DHRS3: variants seen among roughly 807,000 people sequenced by gnomAD.
DHRS3 encodes the protein short-chain dehydrogenase/reductase 3.
DHRS3 carries 14 observed loss-of-function variants against 27.2 expected under a neutral mutation model. That is an observed-to-expected ratio of 0.52 (90% confidence interval 0.34 to 0.81). The LOEUF (loss-of-function observed/expected upper bound fraction) is 0.81. DHRS3 is among the 30% of genes least tolerant of loss of function. The probability of loss-of-function intolerance (pLI) is 0.01; values close to 1 mark genes in which losing one functional copy is unlikely to be tolerated. For synonymous variants in DHRS3, 165 were observed against 175.9 expected, an observed-to-expected ratio of 0.94 and a Z score of 0.49; for missense variants, 322 against 406.2, an observed-to-expected ratio of 0.79 and a Z score of 1.78.
At chr1:12,571,593 C>T (rs188088276) in intron 5 of DHRS3, among the ~76,000 whole-genome samples, 73 of 144,492 alleles carry the variant, frequency 5.1e-4, no homozygotes, top group African/African-American at 1.7e-3. Flanking sequence ...TGCGGTGGTG[C>T]GATCTCGGCT....
chr1:12,581,005 T>A (rs913654260), intron 1 of DHRS3, among the ~76,000 whole-genome samples: 1 of 151,808 alleles, frequency 6.6e-6, no homozygotes, highest in South Asian at 2.1e-4. Flanking sequence ...TTAAAAAAAA[T>A]TTTGTAGAGT....
intron 1 of DHRS3, among the ~76,000 whole-genome samples, chr1:12,587,899 C>T (rs1646711393): frequency 6.6e-6 from 1 of 152,206 alleles, no homozygotes; most frequent in African/African-American, 2.4e-5. Flanking sequence ...CATCCATTGG[C>T]AAGTGACTGT....
chr1:12,567,947 G>A lies in DHRS3; in HGVS notation c.*393C>T, dbSNP rs41279478. 6 of 167,314 alleles carry A rather than the reference G, an allele frequency of 3.6e-5. No individual in the cohort carries two copies. The highest frequency in any genetic ancestry group is 1.2e-4 in the African/African-American group (5 of 41,828). 10.4% of individuals were successfully genotyped at this position (167,314 alleles called of 1,614,324 possible). A position where few individuals can be genotyped will look rare whatever the true frequency, so the allele number is the denominator to read the frequency against. ...TCTCTCTTTATTTTTCATTCCTGCC[G>A]TTCAACCAGTTTGTGCAAGCTGAGG... On this transcript the variant is annotated 3_prime_UTR_variant, in exon 6 of 6. Coordinates refer to ENST00000616661, the MANE Select transcript of DHRS3 (RefSeq NM_004753.7).
At chr1:12,577,692 G>A (rs985286915) in intron 4 of DHRS3, among the ~76,000 whole-genome samples, 16 of 152,060 alleles carry the variant, frequency 1.1e-4, no homozygotes, top group Non-Finnish European at 1.8e-4. Flanking sequence ...GGGTGCAAGC[G>A]CACGCCTGTA....
At chr1:12,585,856 G>C (rs989881161) in intron 1 of DHRS3, among the ~76,000 whole-genome samples, 2 of 152,364 alleles carry the variant, frequency 1.3e-5, no homozygotes, top group African/African-American at 2.4e-5. Context: ...GGCCTGCAGA[G>C]GGGACTGATT....
In DHRS3 at chr1:12,616,781, G is replaced by A. The variant is rs1185643136; in HGVS notation, c.195+373C>T. On this transcript the variant is annotated intron_variant, in intron 1 of 5. Transcript: ENST00000616661. The stretch of plus-strand genomic sequence containing the variant: ...GGCTCCCAGCTCTACCCAGGAGTGC[G>A]CACACCCTGCACTCACCAGGGTGGC... The A allele has an allele frequency of 1.4e-5, 15 of 1,076,078 alleles. No homozygotes were observed. The South Asian group carries it at 2.8e-4, about 20-fold the overall frequency. The allele number at this position is 1,076,078 out of a possible 1,614,324, so 66.7% of individuals were successfully genotyped here.
rs529314088 is a variant in DHRS3 at position 12,608,549 on chromosome 1, C to T, written c.195+8605G>A. Among the ~76,000 whole-genome samples, 2 of 152,168 alleles carry T rather than the reference C, an allele frequency of 1.3e-5. No individual in the cohort carries two copies. Among genetic ancestry groups the T allele is most frequent in the Admixed American group, 1.3e-4 (2 of 15,288 alleles). On this transcript the variant is annotated intron_variant, in intron 1 of 5. Coordinates refer to ENST00000616661, the MANE Select transcript of DHRS3 (RefSeq NM_004753.7). This position sits in a 1 kb window ranked among gnomAD's most constrained non-coding sequence, Gnocchi z 4.1. ...GTTGGTTGATCGATGCTGGTGTCCTCTTTTCCTCCTGCCCCCTGCCCCTGC... is the reference window on the plus strand; with the variant it reads ...GTTGGTTGATCGATGCTGGTGTCCTTTTTTCCTCCTGCCCCCTGCCCCTGC...
chr1:12,606,725 G>A (rs950441379), intron 1 of DHRS3, among the ~76,000 whole-genome samples: 15 of 151,890 alleles, frequency 9.9e-5, no homozygotes, highest in South Asian at 2.1e-4. Flanking sequence ...TTGAACTCCC[G>A]ACCAGGTGAT....
rs1346359653 is a variant in DHRS3 at position 12,592,501 on chromosome 1, A to G, written c.196-11835T>C. 6.6e-6 allele frequency among the ~76,000 whole-genome samples: 1 copy of G among 152,184 alleles called. No individual in the cohort carries two copies. The highest frequency in any genetic ancestry group is 1.5e-5 in the Non-Finnish European group (1 of 68,026). On this transcript the variant is annotated intron_variant, in intron 1 of 5. Coordinates refer to ENST00000616661, the MANE Select transcript of DHRS3 (RefSeq NM_004753.7). This position sits in a 1 kb window ranked among gnomAD's most constrained non-coding sequence, Gnocchi z 4.2. Reference sequence around the variant, plus strand: ...CAGAGACGGCAGTGAGGCGGCCACAAGCCACGCGATGCCAGGAGCTGCCAA... The same window carrying G: ...CAGAGACGGCAGTGAGGCGGCCACAGGCCACGCGATGCCAGGAGCTGCCAA...
intron 1 of DHRS3, among the ~76,000 whole-genome samples, chr1:12,597,277 A>G (rs757529755): frequency 6.6e-6 from 1 of 152,126 alleles, no homozygotes; most frequent in Admixed American, 6.5e-5. Flanking sequence ...GGGTTTCACC[A>G]TCTTGGCCAG....
At chr1:12,576,642 A>G (rs1278173930) in intron 4 of DHRS3, among the ~76,000 whole-genome samples, 8 of 151,764 alleles carry the variant, frequency 5.3e-5, no homozygotes, top group Admixed American at 2.6e-4. Context: ...CCTTCTGTAT[A>G]CTCAGATGAA....
chr1:12,595,155 G>A (rs1570386064), intron 1 of DHRS3, among the ~76,000 whole-genome samples: 1 of 152,102 alleles, frequency 6.6e-6, no homozygotes, highest in African/African-American at 2.4e-5. Context: ...GGGGGAAGAG[G>A]CTGCCCCAGC....
chr1:12,588,438 A>G (rs1646716572), intron 1 of DHRS3, among the ~76,000 whole-genome samples: 1 of 152,228 alleles, frequency 6.6e-6, no homozygotes, highest in Non-Finnish European at 1.5e-5. Context: ...TGCAGCTCAT[A>G]AGAGCAGATC....
intron 4 of DHRS3, among the ~76,000 whole-genome samples, chr1:12,573,244 C>T (rs922766883): frequency 8.5e-5 from 13 of 152,228 alleles, no homozygotes; most frequent in Admixed American, 7.8e-4. Flanking sequence ...ACATCACATG[C>T]TCGGGTCAGG....
In DHRS3 at chr1:12,608,649, G is replaced by T. The variant is rs147895929; in HGVS notation, c.195+8505C>A. On this transcript the variant is annotated intron_variant, in intron 1 of 5. Coordinates refer to ENST00000616661, the MANE Select transcript of DHRS3 (RefSeq NM_004753.7). The surrounding 1 kb of genome is among the most constrained non-coding windows in gnomAD (Gnocchi z 4.1). ...ATCAAAGGGTAGAAGGGACCTAGGA[G>T]GTTGTCCAGAACCTAACCTCCCCCA... Among the ~76,000 whole-genome samples the T allele has an allele frequency of 6.8e-3, 1,040 of 152,048 alleles. 12 individuals carry two copies. Among genetic ancestry groups the T allele is most frequent in the African/African-American group, 0.024 (994 of 41,330 alleles).
intron 1 of DHRS3, among the ~76,000 whole-genome samples, chr1:12,614,446 A>G (rs1646930313): frequency 6.6e-6 from 1 of 151,970 alleles, no homozygotes; most frequent in South Asian, 2.1e-4. Context: ...TCAGTTTGCC[A>G]CAGTGCACTG....
intron 1 of DHRS3, among the ~76,000 whole-genome samples, chr1:12,616,060 A>G (rs926070674): frequency 2.0e-5 from 3 of 152,340 alleles, no homozygotes; most frequent in South Asian, 4.1e-4. Context: ...TGTAAATCTC[A>G]GGGCAGTATT....
chr1:12,617,348 TCCTCCGCG>T lies in DHRS3; in HGVS notation c.-8_-1del. 6.3e-7 allele frequency: 1 copy of T among 1,596,208 alleles called. No homozygotes were observed. ...AGCGCGCCCAGCCGTTTCCACACCA[TCCTCCGCG>T]CCGCGGAGCCGGGCAGGGGGCGAAA... On this transcript the variant is annotated 5_prime_UTR_variant, in exon 1 of 6. Coordinates refer to ENST00000616661, the MANE Select transcript of DHRS3 (RefSeq NM_004753.7).
At chr1:12,572,449 C>T (rs1199522089) in intron 5 of DHRS3, among the ~76,000 whole-genome samples, 3 of 152,220 alleles carry the variant, frequency 2.0e-5, no homozygotes, top group African/African-American at 4.8e-5. Context: ...GGATTACAGG[C>T]GTGAGCCACT....
Sources: allele counts gnomAD v4.1 joint callset (sites outside exome capture counted in the v4.1 genomes callset), GRCh38; gene constraint gnomAD v4.1.1; non-coding constraint Gnocchi (gnomAD v3.1); transcripts MANE v1.5; gene names NCBI Gene and HGNC (gene_info 2026-07-23, HGNC 2026-07-21).